DST: variants seen among roughly 807,000 people sequenced by gnomAD.
The protein encoded by DST is bullous pemphigoid antigen.
In DST, 253 loss-of-function variants were observed where a neutral mutation model predicts 875.2. That is an observed-to-expected ratio of 0.29 (90% CI 0.26 to 0.32). DST has a LOEUF of 0.32. Among genes scored for constraint, DST ranks in the 10% least tolerant of loss-of-function variants. The pLI is 1.00. For missense variants in DST, 8,287 were observed against 9,111.6 expected (o/e 0.91, Z 3.68); for synonymous variants, 3,124 against 3,197.1 (o/e 0.98, Z 0.77).
At chr6:56,549,610 A>G (rs1409446420) in intron 61 of DST, among the ~76,000 whole-genome samples, 1 of 152,178 alleles carries the variant, frequency 6.6e-6, no homozygotes, top group Non-Finnish European at 1.5e-5. Context: ...CTCCACCATC[A>G]ACATCATCAT....
intron 5 of DST, among the ~76,000 whole-genome samples, chr6:56,732,596 T>G (rs1221074551): frequency 1.3e-5 from 2 of 152,196 alleles, no homozygotes; most frequent in African/African-American, 4.8e-5. Context: ...TAACAGTAAC[T>G]TATACAATCA....
intron 4 of DST, among the ~76,000 whole-genome samples, chr6:56,838,018 T>C (rs1254975188): frequency 1.3e-5 from 2 of 151,830 alleles, no homozygotes; most frequent in Non-Finnish European, 2.9e-5. Context: ...TCCTTGGACA[T>C]AGGTAGAATG....
Position 56,676,852 on chromosome 6 carries a change from G to A in DST, c.1048-6045C>T, listed in dbSNP as rs556738711. ...AGTTGAACTCATAGAAGTGGGGAGA[G>A]TAGAACGGTGGTTACCAGAGGCTGC... On this transcript the variant is annotated intron_variant, in intron 9 of 103. Coordinates refer to ENST00000680361, the MANE Select transcript of DST (RefSeq NM_001374736.1). Among the ~76,000 whole-genome samples, 11 of 152,232 alleles carry A rather than the reference G, an allele frequency of 7.2e-5. No individual in the cohort carries two copies. The South Asian group carries it at 8.3e-4, about 11-fold the overall frequency.
intron 90 of DST, 123 bp downstream of exon 90, chr6:56,481,927 T>G: frequency 9.5e-7 from 1 of 1,056,996 alleles, no homozygotes; most frequent in Non-Finnish European, 1.4e-6. Flanking sequence ...CTCAAATGTA[T>G]CAGGTGTTTA....
At chr6:56,822,839 T>A (rs181876837) in intron 4 of DST, among the ~76,000 whole-genome samples, 345 of 151,794 alleles carry the variant, frequency 2.3e-3, no homozygotes, top group African/African-American at 7.6e-3. Context: ...TTATTTATTT[T>A]TTTTTTGAGA....
intron 4 of DST, among the ~76,000 whole-genome samples, chr6:56,838,816 A>G (rs1163180896): frequency 1.3e-5 from 2 of 152,246 alleles, no homozygotes; most frequent in Non-Finnish European, 2.9e-5. Context: ...CCATGTTGTA[A>G]CATAAAACAT....
intron 4 of DST, among the ~76,000 whole-genome samples, chr6:56,795,744 G>A (rs929626126): frequency 6.6e-6 from 1 of 152,122 alleles, no homozygotes; most frequent in Non-Finnish European, 1.5e-5. Flanking sequence ...GAAAGAGTGG[G>A]GGAGGGAGAG....
At chr6:56,730,983 A>G (rs2099495423) in intron 5 of DST, among the ~76,000 whole-genome samples, 1 of 152,194 alleles carries the variant, frequency 6.6e-6, no homozygotes, top group Admixed American at 6.5e-5. Flanking sequence ...AACAAATGTA[A>G]TTTTAGCCTG....
rs1426221321 is a variant in DST, at chr6:56,722,671, C to T, written c.687+12557G>A. Among the ~76,000 whole-genome samples the T allele has an allele frequency of 4.6e-5, 7 of 152,266 alleles. No individual in the cohort carries two copies. The South Asian group carries it at 1.0e-3, about 23-fold the overall frequency. On this transcript the variant is annotated intron_variant, in intron 5 of 103. Coordinates refer to ENST00000680361, the MANE Select transcript of DST (RefSeq NM_001374736.1). ...TGCTGGGATTACAGGCATGAGCCAC[C>T]GCGCCCAGCCTAAAAGTAGTACATG...
chr6:56,826,249 G>A (rs1344525171), intron 4 of DST, among the ~76,000 whole-genome samples: 1 of 152,212 alleles, frequency 6.6e-6, no homozygotes, highest in African/African-American at 2.4e-5. Context: ...AATTGTTTAT[G>A]AAAGTACCAG....
In DST at chr6:56,506,745, T is replaced by A; in HGVS notation, c.19284A>T (p.Ile6428=). ...EIDGLQEELD[I]VINLGSELIA... The stretch of plus-strand genomic sequence containing the variant: ...TGAGTTCAGAACCTAGGTTAATAAC[T>A]ATATCCAGCTCCTCCTGTAGTCCAT... The change falls in exon 76 of 104, where the codon ATA becomes ATT. Residue 6428 remains isoleucine (I), a synonymous_variant. Transcript: ENST00000680361. 6.2e-7 allele frequency: 1 copy of A among 1,613,562 alleles called. No individual in the cohort carries two copies. Among genetic ancestry groups the A allele is most frequent in the Non-Finnish European group, 8.5e-7 (1 of 1,179,608 alleles).
intron 2 of DST, among the ~76,000 whole-genome samples, chr6:56,939,534 GATAAAC>G (rs1179029696): frequency 6.6e-6 from 1 of 152,140 alleles, no homozygotes; most frequent in Non-Finnish European, 1.5e-5. Flanking sequence ...AAGAGCTACA[GATAAAC>G]ATAAATCGAT....
intron 4 of DST, among the ~76,000 whole-genome samples, chr6:56,804,133 G>T (rs1274823810): frequency 1.8e-4 from 27 of 152,036 alleles, no homozygotes; most frequent in Non-Finnish European, 2.9e-5. Flanking sequence ...ATACACTAAG[G>T]TGTATATATT....
intron 55 of DST, among the ~76,000 whole-genome samples, chr6:56,566,953 G>A (rs943725730): frequency 3.9e-5 from 6 of 152,144 alleles, no homozygotes; most frequent in African/African-American, 1.4e-4. Context: ...GGAGTACCTA[G>A]GTCTTGCTGT....
chr6:56,644,366 AC>A (rs2098930162), intron 15 of DST, among the ~76,000 whole-genome samples: 2 of 152,214 alleles, frequency 1.3e-5, no homozygotes, highest in Non-Finnish European at 2.9e-5. Context: ...GACAGGTTAG[AC>A]ATGCTCTCAT....
chr6:56,568,118 T>TA (rs903128000), intron 55 of DST, among the ~76,000 whole-genome samples: 1 of 152,224 alleles, frequency 6.6e-6, no homozygotes, highest in Non-Finnish European at 1.5e-5. Context: ...TCAAATATTA[T>TA]AATTAAATAT....
Position 56,609,184 on chromosome 6 carries a change from CA to C in DST, c.5443del (p.Cys1815AlafsTer24). The C allele has an allele frequency of 6.2e-7, 1 of 1,613,820 alleles. No individual in the cohort carries two copies. Among genetic ancestry groups the C allele is most frequent in the Non-Finnish European group, 8.5e-7 (1 of 1,179,768 alleles). On this transcript the variant is annotated frameshift_variant, in exon 40 of 104. Transcript: ENST00000680361. LOFTEE classifies it high-confidence loss of function. ...SGLISPELRK[C>X]FDLKDAKSHG... ...ACTTTTGGCATCTTTAAGGTCAAAG[CA>C]CTTTCTTAATTCTGGTGAAATTAGA...
intron 2 of DST, among the ~76,000 whole-genome samples, chr6:56,909,280 C>A (rs954814615): frequency 7.2e-5 from 11 of 152,192 alleles, no homozygotes; most frequent in Non-Finnish European, 8.8e-5. Flanking sequence ...ACAAGCTAGG[C>A]TACGTTTCCC....
intron 4 of DST, among the ~76,000 whole-genome samples, chr6:56,778,337 T>C (rs910296722): frequency 6.6e-6 from 1 of 151,172 alleles, no homozygotes; most frequent in Non-Finnish European, 1.5e-5. Flanking sequence ...GCCCAGAGTC[T>C]TCCTTATTCT....
Sources: gnomAD v4.1 joint callset for allele counts (sites outside exome capture counted in the v4.1 genomes callset) on GRCh38, gnomAD v4.1.1 for gene constraint, MANE v1.5 for transcripts, NCBI Gene and HGNC (gene_info 2026-07-23, HGNC 2026-07-21) for gene names.